LEPROTL1: variants seen among roughly 807,000 people sequenced by gnomAD.
LEPROTL1 encodes leptin receptor overlapping transcript like 1, also known as leptin receptor overlapping transcript-like 1.
LEPROTL1 carries 6 observed loss-of-function variants against 15.4 expected under a neutral mutation model. That is an observed-to-expected ratio of 0.39 (90% CI 0.21 to 0.77). The LOEUF (loss-of-function observed/expected upper bound fraction) is 0.77. LEPROTL1 is among the 30% of genes least tolerant of loss of function. LEPROTL1 has a pLI of 0.41. For synonymous variants in LEPROTL1, 56 were observed against 52.6 expected (o/e 1.06, Z -0.28); for missense variants, 128 against 158.1 (o/e 0.81, Z 1.02).
chr8:30,114,478 A>G (rs1802704818), intron 3 of LEPROTL1, among the ~76,000 whole-genome samples: 1 of 151,762 alleles, frequency 6.6e-6, no homozygotes, highest in South Asian at 2.1e-4. Context: ...TTTAGTAGAG[A>G]CAGGGTTTTA....
chr8:30,122,574 T>C (rs942509331), intron 3 of LEPROTL1, among the ~76,000 whole-genome samples: 6 of 152,180 alleles, frequency 3.9e-5, no homozygotes, highest in Non-Finnish European at 5.9e-5. Flanking sequence ...GTGGATCACT[T>C]GAAGTCAGGA....
At position 30,098,770 on chromosome 8, in the gene LEPROTL1, A is replaced by G. The variant is rs140665273; in HGVS notation, c.17-3128A>G. ...ACTCTGCTACATTCATTCCACAAATATTTGTTGAGTGTTAAGAGCCAGGCA... is the reference window on the plus strand; with the variant it reads ...ACTCTGCTACATTCATTCCACAAATGTTTGTTGAGTGTTAAGAGCCAGGCA... On this transcript the variant is annotated intron_variant, in intron 1 of 3. Coordinates refer to ENST00000321250, the MANE Select transcript of LEPROTL1 (RefSeq NM_015344.3). 1.2e-4 allele frequency among the ~76,000 whole-genome samples: 19 copies of G among 152,330 alleles called. No individual in the cohort carries two copies. The East Asian group carries it at 3.7e-3, about 29-fold the overall frequency.
intron 1 of LEPROTL1, chr8:30,095,852 C>G (rs781615662): frequency 1.4e-6 from 1 of 701,880 alleles, no homozygotes; most frequent in South Asian, 1.5e-5. Context: ...CTTGGACGGC[C>G]ACACACGTTT....
downstream of LEPROTL1, among the ~76,000 whole-genome samples, chr8:30,112,883 G>A (rs1802675857): frequency 6.6e-6 from 1 of 151,936 alleles, no homozygotes. Context: ...CCTCTTTTAA[G>A]AGGGCAAACT....
At position 30,095,504 on chromosome 8, in the gene LEPROTL1, G is replaced by C; in HGVS notation, c.-9G>C. The C allele has an allele frequency of 6.8e-7, 1 of 1,461,130 alleles. No individual in the cohort carries two copies. The highest frequency in any genetic ancestry group is 9.0e-7 in the Non-Finnish European group (1 of 1,110,486). The allele number at this position is 1,461,130 out of a possible 1,614,324, so 90.5% of individuals were successfully genotyped here. On this transcript the variant is annotated 5_prime_UTR_variant, in exon 1 of 4. Transcript: ENST00000321250. ...CTCGGGTCGTGGAGCCAGGAGCGAC[G>C]TCACCGCCATGGCAGGCATCAAAGG...
chr8:30,096,292 G>A (rs1025233623), intron 1 of LEPROTL1: 2 of 979,694 alleles, frequency 2.0e-6, no homozygotes, highest in Non-Finnish European at 2.4e-6. Flanking sequence ...AAGGAATGTT[G>A]CATTTGTTCC....
chr8:30,130,954 A>G (rs1802996894), intron 3 of LEPROTL1, among the ~76,000 whole-genome samples: 1 of 151,472 alleles, frequency 6.6e-6, no homozygotes, highest in African/African-American at 2.4e-5. Context: ...TAATTTTTGT[A>G]TTTTTAGAAG....
At chr8:30,133,181 T>G in intron 4 of LEPROTL1, among the ~76,000 whole-genome samples, 1 of 152,086 alleles carries the variant, frequency 6.6e-6, no homozygotes, top group East Asian at 1.9e-4. Flanking sequence ...CCTCCCAGAG[T>G]GCTGGGATTA....
intron 3 of LEPROTL1, 42 bp from the exon 4 acceptor site, chr8:30,105,704 C>A: frequency 3.3e-6 from 5 of 1,535,708 alleles, no homozygotes; most frequent in Non-Finnish European, 4.4e-6. Flanking sequence ...ATTTTCCTTT[C>A]GTTTTTCATG....
chr8:30,114,196 A>G (rs1217490154), intron 3 of LEPROTL1, among the ~76,000 whole-genome samples: 2 of 152,156 alleles, frequency 1.3e-5, no homozygotes, highest in Non-Finnish European at 2.9e-5. Context: ...TCCTGAGACA[A>G]TGAACCCAGA....
chr8:30,110,392 T>TTACAC (rs1318873806), downstream of LEPROTL1, among the ~76,000 whole-genome samples: 2 of 152,030 alleles, frequency 1.3e-5, no homozygotes, highest in East Asian at 3.9e-4. Flanking sequence ...TGCGCGCGTG[T>TTACAC]GTGTAGTGGG....
At chr8:30,117,192 C>A (rs1802755219) in intron 3 of LEPROTL1, among the ~76,000 whole-genome samples, 1 of 151,992 alleles carries the variant, frequency 6.6e-6, no homozygotes, top group South Asian at 2.1e-4. Flanking sequence ...AATGAAAAAT[C>A]AAAATGATCT....
chr8:30,131,930 C>A (rs912593370), intron 3 of LEPROTL1: 2 of 1,535,764 alleles, frequency 1.3e-6, no homozygotes, highest in South Asian at 1.2e-5. Context: ...AAGGTGAAAG[C>A]CAGGGAAAGA....
exon 5 of LEPROTL1, chr8:30,137,367 GAGA>G: frequency 6.4e-7 from 1 of 1,551,696 alleles, no homozygotes; most frequent in South Asian, 1.2e-5. Flanking sequence ...CAGCCGCCAT[GAGA>G]AGATTGTTAC....
At chr8:30,121,066 GT>G (rs374580233) in intron 3 of LEPROTL1, among the ~76,000 whole-genome samples, 16 of 152,060 alleles carry the variant, frequency 1.1e-4, no homozygotes, top group African/African-American at 3.6e-4. Flanking sequence ...ATCATATAGC[GT>G]TTGTTCTTCT....
chr8:30,103,068 T>A (rs1585463439), intron 2 of LEPROTL1, among the ~76,000 whole-genome samples: 1 of 152,134 alleles, frequency 6.6e-6, no homozygotes, highest in African/African-American at 2.4e-5. Flanking sequence ...TATTTTTTGG[T>A]TTTTGTTTTT....
At chr8:30,132,719 C>A in intron 4 of LEPROTL1, 2 of 1,551,770 alleles carry the variant, frequency 1.3e-6, no homozygotes, top group Non-Finnish European at 8.7e-7. Flanking sequence ...CACAGAGAGC[C>A]TCCCAGGAGA....
chr8:30,134,490 G>A (rs968368764), intron 4 of LEPROTL1, among the ~76,000 whole-genome samples: 2 of 151,338 alleles, frequency 1.3e-5, no homozygotes, highest in Non-Finnish European at 1.5e-5. Flanking sequence ...AAACACATAC[G>A]ATGGCACACA....
chr8:30,100,242 G>A (rs1227775631), intron 1 of LEPROTL1, among the ~76,000 whole-genome samples: 2 of 152,086 alleles, frequency 1.3e-5, no homozygotes, highest in South Asian at 2.1e-4. Flanking sequence ...AGTAGTACTT[G>A]GCAAAGTTTA....
Sources: allele counts gnomAD v4.1 joint callset (sites outside exome capture counted in the v4.1 genomes callset), GRCh38; gene constraint gnomAD v4.1.1; transcripts MANE v1.5; gene names NCBI Gene and HGNC (gene_info 2026-07-23, HGNC 2026-07-21).